Variants in STON1 observed in about 807,000 individuals in gnomAD.
STON1 encodes stonin 1.
In STON1, 79 loss-of-function variants were observed where a neutral mutation model predicts 60.9. That is an observed-to-expected ratio of 1.30 (90% CI 1.08 to 1.56). STON1 has a LOEUF of 1.56. Ranked by LOEUF, STON1 falls within the 40% of genes most tolerant of loss-of-function variation. The pLI is 0.00. For missense variants in STON1, 1,166 were observed against 858.9 expected (o/e 1.36, Z -4.47); for synonymous variants, 363 against 306.9 (o/e 1.18, Z -1.91).
Position 48,583,783 on chromosome 2 carries a change from C to T in STON1, c.1930+1220C>T, listed in dbSNP as rs1348302705. 4.1e-5 allele frequency among the ~76,000 whole-genome samples: 6 copies of T among 146,218 alleles called. No homozygotes were observed. The South Asian group carries it at 1.3e-3, about 32-fold the overall frequency. On this transcript the variant is annotated intron_variant, in intron 2 of 3. Coordinates refer to ENST00000404752, the MANE Select transcript of STON1 (RefSeq NM_006873.4). ...TTTTTTTTTTTTTGAGATGGAGTCT[C>T]GCTTTCTCACCCAGGTGGAGTGCGG... is the stretch of plus-strand genomic sequence containing the variant.
intron 3 of STON1, among the ~76,000 whole-genome samples, chr2:48,593,726 C>T (rs926814944): frequency 6.6e-6 from 1 of 152,162 alleles, no homozygotes; most frequent in Non-Finnish European, 1.5e-5. Flanking sequence ...TGATATTATA[C>T]ATGACATCGC....
chr2:48,592,650 G>A (rs1212170564), intron 3 of STON1, among the ~76,000 whole-genome samples: 2 of 149,392 alleles, frequency 1.3e-5, no homozygotes, highest in Non-Finnish European at 3.0e-5. Flanking sequence ...TAGTAGAGAT[G>A]GGGTTTTGCC....
Position 48,564,586 on chromosome 2 carries a change from TCCTC to T in STON1, c.-47-15999_-47-15996del, listed in dbSNP as rs1558605961. Reference sequence around the variant, plus strand: ...CTTCTTCTCCTTCTCCTTCTCCTCCTCCTCCTCCTCCTCCTCCTTCTCCTTCTCC... The same window carrying T: ...CTTCTTCTCCTTCTCCTTCTCCTCCTCTCCTCCTCCTCCTTCTCCTTCTCC... On this transcript the variant is annotated intron_variant, in intron 1 of 3. Coordinates refer to ENST00000404752, the MANE Select transcript of STON1 (RefSeq NM_006873.4). Among the ~76,000 whole-genome samples the T allele has an allele frequency of 3.7e-3, 244 of 65,806 alleles. 66 individuals carry two copies. The highest frequency in any genetic ancestry group is 0.015 in the Middle Eastern group (3 of 196). The allele number at this position is 65,806 out of a possible 152,430, so 43.2% of individuals were successfully genotyped here.
chr2:48,546,027 T>TA (rs1207770896), intron 1 of STON1, among the ~76,000 whole-genome samples: 1 of 152,210 alleles, frequency 6.6e-6, no homozygotes, highest in Non-Finnish European at 1.5e-5. Flanking sequence ...ATTTCATACT[T>TA]AAAAAATAAA....
Position 48,572,350 on chromosome 2 carries a change from T to C in STON1, c.-47-8237T>C, listed in dbSNP as rs551013412. Among the ~76,000 whole-genome samples, 3 of 152,234 alleles carry C rather than the reference T, an allele frequency of 2.0e-5. No homozygotes were observed. In the South Asian group the frequency reaches 6.2e-4, roughly 32 times the overall value. ...GGCACCATATGAAGTTCTATTTGGT[T>C]GAATAAACTCACATCACATTTGCTG... On this transcript the variant is annotated intron_variant, in intron 1 of 3. Coordinates refer to ENST00000404752, the MANE Select transcript of STON1 (RefSeq NM_006873.4).
chr2:48,592,283 A>C (rs886742550), intron 3 of STON1, among the ~76,000 whole-genome samples: 2 of 152,152 alleles, frequency 1.3e-5, no homozygotes, highest in African/African-American at 4.8e-5. Context: ...AAACTTGTTA[A>C]ACTTAGTTAA....
intron 1 of STON1, among the ~76,000 whole-genome samples, chr2:48,538,853 A>G (rs1222520037): frequency 6.7e-6 from 1 of 149,502 alleles, no homozygotes. Context: ...TCTGGCCTCA[A>G]GTGATCCGCC....
At chr2:48,557,605 G>T (rs1672434863) in intron 1 of STON1, among the ~76,000 whole-genome samples, 1 of 119,164 alleles carries the variant, frequency 8.4e-6, no homozygotes, top group African/African-American at 3.1e-5. Flanking sequence ...GTAGGTTGTA[G>T]TGAGCCGAGA....
rs1276920612 is a variant in STON1 at position 48,541,521 on chromosome 2, TA to T, written c.-48+11326del. Among the ~76,000 whole-genome samples, 824 of 92,370 alleles carry T rather than the reference TA, an allele frequency of 8.9e-3. 12 individuals are homozygous for T. Among genetic ancestry groups the T allele is most frequent in the Admixed American group, 0.045 (384 of 8,504 alleles). 60.6% of individuals were successfully genotyped at this position (92,370 alleles called of 152,430 possible). ...CAACATGGTGAAACCCCATCTCTAC[TA>T]AAAAAAAAAAAAAAAAAAAATACAA... is the stretch of plus-strand genomic sequence containing the variant. On this transcript the variant is annotated intron_variant, in intron 1 of 3. Coordinates refer to ENST00000404752, the MANE Select transcript of STON1 (RefSeq NM_006873.4).
chr2:48,539,783 C>A (rs991752708), intron 1 of STON1, among the ~76,000 whole-genome samples: 3 of 152,060 alleles, frequency 2.0e-5, no homozygotes, highest in Non-Finnish European at 4.4e-5. Context: ...AACCTTATTT[C>A]TTGCATGTAC....
In STON1 at chr2:48,577,242, C is replaced by T. The variant is rs193244981; in HGVS notation, c.-47-3345C>T. On this transcript the variant is annotated intron_variant, in intron 1 of 3. Transcript: ENST00000404752. ...TGCTGTCATATCCAAGAAATCATTG[C>T]CAAGACCAATGTTATGAAGATTTTC... Among the ~76,000 whole-genome samples, 3 of 151,700 alleles carry T rather than the reference C, an allele frequency of 2.0e-5. No homozygotes were observed. In the East Asian group the frequency reaches 5.9e-4, roughly 30 times the overall value.
chr2:48,565,711 A>G lies in STON1; in HGVS notation c.-47-14876A>G, dbSNP rs1019278703. ...TAGCTTCCTCCTGACTGGAGAAAGCAGGTGTTCTAAAGGCTAGAGTAGGGA... is the reference window on the plus strand; with the variant it reads ...TAGCTTCCTCCTGACTGGAGAAAGCGGGTGTTCTAAAGGCTAGAGTAGGGA... On this transcript the variant is annotated intron_variant, in intron 1 of 3. Transcript: ENST00000404752. 3.3e-5 allele frequency among the ~76,000 whole-genome samples: 5 copies of G among 152,338 alleles called. No homozygotes were observed. In the South Asian group the frequency reaches 8.3e-4, roughly 25 times the overall value.
chr2:48,580,771 C>T lies in STON1; in HGVS notation c.138C>T (p.Gly46=). The stretch of plus-strand genomic sequence containing the variant: ...ATGGACTGAAGCTGAACCTTCCTGG[C>T]CTCAGGGAATTTCCCAGTGGATCTT... ...RPNGLKLNLP[G]LREFPSGSSS... The change falls in exon 2 of 4, where the codon GGC becomes GGT. Residue 46 remains glycine, a synonymous_variant. Transcript: ENST00000404752. 1.9e-6 allele frequency: 3 copies of T among 1,558,292 alleles called. No individual in the cohort carries two copies. Among genetic ancestry groups the T allele is most frequent in the Non-Finnish European group, 2.6e-6 (3 of 1,153,460 alleles).
intron 1 of STON1, among the ~76,000 whole-genome samples, chr2:48,545,460 C>T (rs1011181934): frequency 1.3e-5 from 2 of 152,220 alleles, no homozygotes; most frequent in African/African-American, 4.8e-5. Flanking sequence ...CTGCTACAAA[C>T]TCCTGCCCCT....
In STON1 at chr2:48,592,721, C is replaced by A. The variant is rs563133883; in HGVS notation, c.2133+866C>A. ...GGTAATCTGACCCTCTCGGCCTCCC[C>A]AAGTGCTGGGATTACAGGCGTAAGC... On this transcript the variant is annotated intron_variant, in intron 3 of 3. Transcript: ENST00000404752. Among the ~76,000 whole-genome samples the A allele has an allele frequency of 5.6e-3, 842 of 151,566 alleles. 5 individuals are homozygous for A. Among genetic ancestry groups the A allele is most frequent in the African/African-American group, 0.02 (818 of 41,330 alleles).
intron 2 of STON1, 87 bp downstream of exon 2, chr2:48,582,650 C>T: frequency 6.6e-7 from 1 of 1,510,522 alleles, no homozygotes; most frequent in Non-Finnish European, 8.8e-7. Flanking sequence ...CAGGTAGAGA[C>T]AGATGGCAAT....
At chr2:48,572,914 A>G (rs987223036) in intron 1 of STON1, among the ~76,000 whole-genome samples, 1 of 152,222 alleles carries the variant, frequency 6.6e-6, no homozygotes, top group Non-Finnish European at 1.5e-5. Flanking sequence ...GGGCAGTGAC[A>G]GTGAAATGGC....
At chr2:48,543,600 C>T (rs973197699) in intron 1 of STON1, among the ~76,000 whole-genome samples, 2 of 142,504 alleles carry the variant, frequency 1.4e-5, no homozygotes, top group Non-Finnish European at 3.0e-5. Context: ...GGTGGGATCT[C>T]GGCTCACTGC....
chr2:48,580,630 A>G lies in STON1; in HGVS notation c.-4A>G. The G allele has an allele frequency of 1.5e-6, 2 of 1,352,748 alleles. No homozygotes were observed. The highest frequency in any genetic ancestry group is 1.9e-6 in the Non-Finnish European group (2 of 1,045,688). 83.8% of individuals were successfully genotyped at this position (1,352,748 alleles called of 1,614,324 possible). ...CTTGACAAGACCACAATCTGATCCC[A>G]AAGATGTGCTCCACAAATCCAGGCA... On this transcript the variant is annotated 5_prime_UTR_variant, in exon 2 of 4. Coordinates refer to ENST00000404752, the MANE Select transcript of STON1 (RefSeq NM_006873.4).
Sources: allele counts gnomAD v4.1 joint callset (sites outside exome capture counted in the v4.1 genomes callset), GRCh38; gene constraint gnomAD v4.1.1; transcripts MANE v1.5; gene names NCBI Gene and HGNC (gene_info 2026-07-23, HGNC 2026-07-21).